The following CMIP variants were observed in gnomAD, a reference collection of about 807,000 sequenced individuals.
The protein encoded by CMIP is C-Maf-inducing protein.
In CMIP, 13 loss-of-function variants were observed where a neutral mutation model predicts 97.3. The ratio of observed to expected loss-of-function variants is 0.13; its 90% CI spans 0.09 to 0.21. CMIP has a LOEUF of 0.21. Among genes scored for constraint, CMIP ranks in the 10% least tolerant of loss-of-function variants. The probability of loss-of-function intolerance (pLI) is 1.00; values close to 1 mark genes in which losing one functional copy is unlikely to be tolerated. For synonymous variants in CMIP, 538 were observed against 436.3 expected, an observed-to-expected ratio of 1.23 and a Z score of -2.91; for missense variants, 847 against 1,024.9, an observed-to-expected ratio of 0.83 and a Z score of 2.37.
rs554424113 is a variant in CMIP at position 81,664,075 on chromosome 16, T to G, written c.745-194T>G. Among the ~76,000 whole-genome samples, 4 of 152,248 alleles carry G rather than the reference T, an allele frequency of 2.6e-5. No homozygotes were observed. The South Asian group carries it at 8.3e-4, about 32-fold the overall frequency. On this transcript the variant is annotated intron_variant, in intron 6 of 20. Coordinates refer to ENST00000537098, the MANE Select transcript of CMIP (RefSeq NM_198390.3). ...TATCTGGGAAAGGTCTCTACCTTCC[T>G]CTCCGTTCTGCTCTGAACCTAGAAC...
intron 1 of CMIP, among the ~76,000 whole-genome samples, chr16:81,480,535 A>G (rs1908195576): frequency 6.6e-6 from 1 of 152,176 alleles, no homozygotes; most frequent in Admixed American, 6.5e-5. Context: ...GTGAGACTGT[A>G]TCAAAAAATA....
chr16:81,569,095 C>G (rs1384427208), intron 1 of CMIP, among the ~76,000 whole-genome samples: 1 of 152,212 alleles, frequency 6.6e-6, no homozygotes, highest in Non-Finnish European at 1.5e-5. Context: ...CTGTAGCACC[C>G]TTATGAATGC....
chr16:81,587,980 A>G (rs545884346), intron 1 of CMIP, among the ~76,000 whole-genome samples: 14 of 152,320 alleles, frequency 9.2e-5, no homozygotes, highest in Non-Finnish European at 1.9e-4. Flanking sequence ...AGGAACGGTC[A>G]GGGATTTCCC....
At chr16:81,532,089 A>G (rs972077731) in intron 1 of CMIP, among the ~76,000 whole-genome samples, 1 of 152,210 alleles carries the variant, frequency 6.6e-6, no homozygotes, top group Non-Finnish European at 1.5e-5. Flanking sequence ...TCCACTCTAC[A>G]GATAAGGAAA....
intron 1 of CMIP, among the ~76,000 whole-genome samples, chr16:81,502,308 C>G (rs1160956583): frequency 6.6e-6 from 1 of 152,136 alleles, no homozygotes; most frequent in East Asian, 1.9e-4. Flanking sequence ...CACTTGTAGT[C>G]CTAGTAAAGT....
chr16:81,667,797 A>AGTGT (rs1474036026), intron 7 of CMIP, among the ~76,000 whole-genome samples: 1,968 of 64,700 alleles, frequency 0.03, 6 homozygotes, highest in Non-Finnish European at 0.037. Context: ...AGAGAGAGAG[A>AGTGT]GAGTGTGTGT....
chr16:81,620,959 A>C (rs1419825226), intron 3 of CMIP, 33 bp downstream of exon 3: 1 of 1,612,396 alleles, frequency 6.2e-7, no homozygotes, highest in East Asian at 2.2e-5. Context: ...GTTTAAAGCG[A>C]CTCAGGCAGT....
At chr16:81,513,015 G>A (rs939566962) in intron 1 of CMIP, among the ~76,000 whole-genome samples, 2 of 152,214 alleles carry the variant, frequency 1.3e-5, no homozygotes, top group Non-Finnish European at 1.5e-5. Context: ...GGGATTACAG[G>A]CGTGAGCCAC....
intron 2 of CMIP, among the ~76,000 whole-genome samples, chr16:81,611,866 C>T (rs1355836537): frequency 6.6e-6 from 1 of 152,232 alleles, no homozygotes. Context: ...GGCCCATGCC[C>T]CTCATCCCCA....
chr16:81,641,108 G>C (rs1358425944), intron 3 of CMIP, among the ~76,000 whole-genome samples: 3 of 152,082 alleles, frequency 2.0e-5, no homozygotes, highest in Admixed American at 2.0e-4. Flanking sequence ...AGATTCCCAG[G>C]CCTCGCCCAG....
chr16:81,467,069 T>A (rs1907246560), intron 1 of CMIP, among the ~76,000 whole-genome samples: 1 of 152,212 alleles, frequency 6.6e-6, no homozygotes, highest in African/African-American at 2.4e-5. Flanking sequence ...GGAACAAGGA[T>A]CTTCTTGGGC....
chr16:81,521,475 C>G (rs1013686763), intron 1 of CMIP, among the ~76,000 whole-genome samples: 3 of 152,066 alleles, frequency 2.0e-5, no homozygotes, highest in African/African-American at 7.2e-5. Flanking sequence ...TGAAATGCCA[C>G]TGCAGGTTCT....
intron 1 of CMIP, among the ~76,000 whole-genome samples, chr16:81,509,398 A>G (rs1401999362): frequency 6.6e-6 from 1 of 152,064 alleles, no homozygotes; most frequent in Admixed American, 6.5e-5. Flanking sequence ...GGCATAACAC[A>G]TTGGTGGGAG....
rs140455516 is a variant in CMIP, at chr16:81,473,243, G to A, written c.300+27702G>A. On this transcript the variant is annotated intron_variant, in intron 1 of 20. Transcript: ENST00000537098. ...TGAACAGGCTGCGGCTGTCACTGAC[G>A]TGTCTTCCTTCGTGTTTGCCGTGGG... 1.5e-3 allele frequency among the ~76,000 whole-genome samples: 235 copies of A among 152,334 alleles called. 1 individual carries two copies. The highest frequency in any genetic ancestry group is 3.4e-3 in the Middle Eastern group (1 of 294).
chr16:81,564,783 G>A (rs1597094060), intron 1 of CMIP, among the ~76,000 whole-genome samples: 1 of 152,342 alleles, frequency 6.6e-6, no homozygotes, highest in African/African-American at 2.4e-5. Flanking sequence ...ATAGGTGTTC[G>A]ATGAATATTT....
intron 3 of CMIP, among the ~76,000 whole-genome samples, chr16:81,647,072 G>C (rs2092371780): frequency 6.6e-6 from 1 of 152,180 alleles, no homozygotes; most frequent in South Asian, 2.1e-4. Context: ...CTTCCCACCA[G>C]CAACACACAA....
intron 20 of CMIP, among the ~76,000 whole-genome samples, chr16:81,707,533 C>T (rs557118325): frequency 6.6e-6 from 1 of 152,340 alleles, no homozygotes; most frequent in East Asian, 1.9e-4. Flanking sequence ...TCAAAGCATG[C>T]TCTGGCTGTT....
At chr16:81,472,647 A>C (rs114784959) in intron 1 of CMIP, among the ~76,000 whole-genome samples, 2,383 of 152,268 alleles carry the variant, frequency 0.016, 52 homozygotes, top group African/African-American at 0.054. Flanking sequence ...GCCCCTTCAG[A>C]GGTGGCAGGT....
At chr16:81,703,820 G>T (rs958091441) in intron 17 of CMIP, 119 bp from the exon 18 acceptor site, 58 of 1,334,568 alleles carry the variant, frequency 4.3e-5, no homozygotes, top group Non-Finnish European at 5.6e-5. Flanking sequence ...GGGATTTACC[G>T]CCCCCCAGGA....
Sources: allele counts gnomAD v4.1 joint callset (sites outside exome capture counted in the v4.1 genomes callset), GRCh38; gene constraint gnomAD v4.1.1; transcripts MANE v1.5; gene names NCBI Gene and HGNC (gene_info 2026-07-23, HGNC 2026-07-21).